Variants in ZFAT observed in about 807,000 individuals in gnomAD.
ZFAT encodes the protein zinc finger and AT-hook domain containing, also known as zinc finger protein ZFAT.
ZFAT carries 64 observed loss-of-function variants against 117.7 expected under a neutral mutation model. The ratio of observed to expected loss-of-function variants is 0.54; its 90% CI spans 0.44 to 0.67. The LOEUF (loss-of-function observed/expected upper bound fraction) is 0.67. Among genes scored for constraint, ZFAT ranks in the 30% least tolerant of loss-of-function variants. The probability of loss-of-function intolerance (pLI) is 0.00; values close to 1 mark genes in which losing one functional copy is unlikely to be tolerated. For missense variants in ZFAT, 1,433 were observed against 1,584.5 expected (o/e 0.90, Z 1.62); for synonymous variants, 679 against 615.0 (o/e 1.10, Z -1.54).
chr8:134,659,110 G>A (rs987811706), intron 1 of ZFAT, among the ~76,000 whole-genome samples: 1 of 152,226 alleles, frequency 6.6e-6, no homozygotes. Context: ...GCCATTTACT[G>A]CCTGGTGATG....
At chr8:134,641,628 G>A (rs1830589024) in intron 2 of ZFAT, among the ~76,000 whole-genome samples, 1 of 152,224 alleles carries the variant, frequency 6.6e-6, no homozygotes, top group Non-Finnish European at 1.5e-5. Context: ...TGAGGTCTGA[G>A]CTGGCCTTTT....
the ZFAT span, among the ~76,000 whole-genome samples, chr8:134,831,311 C>A: frequency 6.6e-6 from 1 of 152,236 alleles, no homozygotes; most frequent in Non-Finnish European, 1.5e-5. Flanking sequence ...CCTGCATGCA[C>A]AAGTGAAGAA....
chr8:134,551,967 G>A (rs7010423), intron 11 of ZFAT, among the ~76,000 whole-genome samples: 68 of 152,252 alleles, frequency 4.5e-4, no homozygotes, highest in African/African-American at 1.6e-3. Flanking sequence ...GTTGCAACGG[G>A]TTTTTTAAGT....
intron 15 of ZFAT, among the ~76,000 whole-genome samples, chr8:134,507,692 C>T (rs1819516340): frequency 1.3e-5 from 2 of 152,230 alleles, no homozygotes; most frequent in African/African-American, 4.8e-5. Flanking sequence ...ACCCCTGTGA[C>T]CTCGTGTATC....
intron 7 of ZFAT, chr8:134,600,079 G>A (rs1184196135): frequency 5.7e-6 from 2 of 352,462 alleles, no homozygotes; most frequent in Admixed American, 4.5e-5. Flanking sequence ...TCTCAACCAC[G>A]TTCAGTAGGA....
chr8:134,679,312 C>G (rs1832954740), intron 1 of ZFAT, among the ~76,000 whole-genome samples: 1 of 152,300 alleles, frequency 6.6e-6, no homozygotes, highest in South Asian at 2.1e-4. Context: ...AGAAGACATT[C>G]ATGCAGCCAA....
intron 1 of ZFAT, among the ~76,000 whole-genome samples, chr8:134,705,207 T>C (rs1834117146): frequency 6.6e-6 from 1 of 152,114 alleles, no homozygotes; most frequent in Non-Finnish European, 1.5e-5. Flanking sequence ...TACTTACCTA[T>C]TTATTTATTT....
At chr8:134,803,488 T>C in the ZFAT span, among the ~76,000 whole-genome samples, 1 of 152,322 alleles carries the variant, frequency 6.6e-6, no homozygotes, top group South Asian at 2.1e-4. Flanking sequence ...AAGGGATGCT[T>C]GATGCATGCT....
chr8:134,804,399 G>A, the ZFAT span, among the ~76,000 whole-genome samples: 9 of 152,258 alleles, frequency 5.9e-5, no homozygotes, highest in African/African-American at 2.2e-4. Flanking sequence ...GGAAGTGGGG[G>A]GCTAAGAGGA....
At chr8:134,820,502 G>A in the ZFAT span, among the ~76,000 whole-genome samples, 1 of 152,162 alleles carries the variant, frequency 6.6e-6, no homozygotes, top group African/African-American at 2.4e-5. Context: ...CAAAATCATG[G>A]TGCCTTACAG....
chr8:134,617,157 A>G (rs1462348163), intron 3 of ZFAT, among the ~76,000 whole-genome samples: 1 of 152,160 alleles, frequency 6.6e-6, no homozygotes, highest in Non-Finnish European at 1.5e-5. Flanking sequence ...GTCAGAGGCA[A>G]TCTTGAGGAG....
the ZFAT span, among the ~76,000 whole-genome samples, chr8:134,782,765 T>C: frequency 5.5e-3 from 841 of 152,218 alleles, 4 homozygotes; most frequent in African/African-American, 0.018. Context: ...CACGTGGAAC[T>C]ATGAGTCCAT....
the ZFAT span, among the ~76,000 whole-genome samples, chr8:134,831,825 C>T: frequency 6.6e-6 from 1 of 151,642 alleles, no homozygotes; most frequent in Non-Finnish European, 1.5e-5. Flanking sequence ...GGGACGGGGG[C>T]GCCAAAAAAG....
chr8:134,827,341 G>T, the ZFAT span, among the ~76,000 whole-genome samples: 3 of 151,786 alleles, frequency 2.0e-5, no homozygotes, highest in African/African-American at 7.3e-5. Flanking sequence ...CACCACGCCT[G>T]GCCTGAACTC....
intron 1 of ZFAT, among the ~76,000 whole-genome samples, chr8:134,694,142 G>C (rs368315839): frequency 6.6e-6 from 1 of 152,176 alleles, no homozygotes; most frequent in African/African-American, 2.4e-5. Context: ...ACGCTGGAAC[G>C]CGGGGCGCAG....
At chr8:134,712,794 C>T in intron 1 of ZFAT, 51 bp downstream of exon 1, 1 of 1,372,880 alleles carries the variant, frequency 7.3e-7, no homozygotes, top group Non-Finnish European at 9.8e-7. Context: ...CCGCGCGCCG[C>T]GCCGCGCCCC....
At chr8:134,513,201 T>C (rs1819987520) in intron 13 of ZFAT, among the ~76,000 whole-genome samples, 1 of 150,226 alleles carries the variant, frequency 6.7e-6, no homozygotes, top group Non-Finnish European at 1.5e-5. Context: ...TTTGTGCTTT[T>C]TTTTTTTTTT....
intron 3 of ZFAT, among the ~76,000 whole-genome samples, chr8:134,631,641 GC>G (rs1194207588): frequency 2.6e-5 from 4 of 152,234 alleles, no homozygotes; most frequent in African/African-American, 9.6e-5. Context: ...GCTGGCAGCT[GC>G]TAGGCGAGGG....
chr8:134,591,726 T>C (rs1223278370), intron 7 of ZFAT, among the ~76,000 whole-genome samples: 1 of 152,254 alleles, frequency 6.6e-6, no homozygotes, highest in Non-Finnish European at 1.5e-5. Flanking sequence ...GAGAACACCA[T>C]GTGCAGATGG....
Sources: gnomAD v4.1 joint callset for allele counts (sites outside exome capture counted in the v4.1 genomes callset) on GRCh38, gnomAD v4.1.1 for gene constraint, MANE v1.5 for transcripts, NCBI Gene and HGNC (gene_info 2026-07-23, HGNC 2026-07-21) for gene names.